NCOA2: variants seen among roughly 807,000 people sequenced by gnomAD.
NCOA2 encodes class E basic helix-loop-helix protein 75.
NCOA2 carries 21 observed loss-of-function variants against 145.1 expected under a neutral mutation model. That is an observed-to-expected ratio of 0.14 (90% CI 0.10 to 0.21). The LOEUF (loss-of-function observed/expected upper bound fraction) is 0.21, where lower values mean the gene tolerates loss of function less well. NCOA2 is among the 10% of genes least tolerant of loss of function. The probability of loss-of-function intolerance (pLI) is 1.00; values close to 1 mark genes in which losing one functional copy is unlikely to be tolerated. For missense variants in NCOA2, 1,472 were observed against 1,837.6 expected (o/e 0.80, Z 3.64); for synonymous variants, 619 against 637.5 (o/e 0.97, Z 0.44).
At chr8:70,294,356 C>A (rs1291598563) in intron 2 of NCOA2, among the ~76,000 whole-genome samples, 2 of 152,138 alleles carry the variant, frequency 1.3e-5, no homozygotes, top group African/African-American at 4.8e-5. Context: ...TCTAAAATTT[C>A]TAATATTGCA....
intron 2 of NCOA2, among the ~76,000 whole-genome samples, chr8:70,281,012 T>C (rs1825830204): frequency 6.6e-6 from 1 of 151,656 alleles, no homozygotes; most frequent in South Asian, 2.1e-4. Context: ...ATCCTGGCTA[T>C]GGAAGCTTCT....
upstream of NCOA2, among the ~76,000 whole-genome samples, chr8:70,404,366 G>A (rs1814664590): frequency 6.6e-6 from 1 of 152,224 alleles, no homozygotes; most frequent in African/African-American, 2.4e-5. Context: ...GCCCCAGGAC[G>A]AAGATCGGGG....
At position 70,322,748 on chromosome 8, in the gene NCOA2, C is replaced by A. The variant is rs565945243; in HGVS notation, c.-76-25948G>T. ...AGAACAATATATTGTATGTAAAGTA[C>A]CTAGGAAAGGGTCTGGCCCATAGTA... On this transcript the variant is annotated intron_variant, in intron 1 of 22. Transcript: ENST00000452400. 6.6e-5 allele frequency among the ~76,000 whole-genome samples: 10 copies of A among 152,186 alleles called. No homozygotes were observed. In the Middle Eastern group the frequency reaches 0.01, roughly 155 times the overall value.
chr8:70,248,792 T>A (rs1822840290), intron 2 of NCOA2, among the ~76,000 whole-genome samples: 1 of 151,162 alleles, frequency 6.6e-6, no homozygotes, highest in Non-Finnish European at 1.5e-5. Context: ...AGACAAAATT[T>A]TTTTCTCCCG....
chr8:70,290,323 G>A (rs1210222431), intron 2 of NCOA2, among the ~76,000 whole-genome samples: 1 of 151,724 alleles, frequency 6.6e-6, no homozygotes, highest in Non-Finnish European at 1.5e-5. Flanking sequence ...CAAATAGCTG[G>A]GACTACAGGC....
intron 1 of NCOA2, among the ~76,000 whole-genome samples, chr8:70,375,904 C>A (rs913243981): frequency 1.3e-5 from 2 of 152,122 alleles, no homozygotes; most frequent in African/African-American, 4.8e-5. Flanking sequence ...CCTACTAATA[C>A]CCATTTGCTC....
intron 2 of NCOA2, among the ~76,000 whole-genome samples, chr8:70,290,976 G>C (rs1479549594): frequency 6.6e-6 from 1 of 152,166 alleles, no homozygotes; most frequent in Non-Finnish European, 1.5e-5. Flanking sequence ...GAACAGCCTA[G>C]CTAAAAATCC....
At chr8:70,431,646 T>C in the NCOA2 span, among the ~76,000 whole-genome samples, 1 of 152,356 alleles carries the variant, frequency 6.6e-6, no homozygotes, top group African/African-American at 2.4e-5. Flanking sequence ...GAAGTATTCG[T>C]TCTTTGGGCT....
chr8:70,249,978 A>AAAAAAAGG (rs1554606877), intron 2 of NCOA2, among the ~76,000 whole-genome samples: 1 of 101,208 alleles, frequency 9.9e-6, no homozygotes, highest in Non-Finnish European at 2.3e-5. Context: ...AAAAAAAAAA[A>AAAAAAAGG]AGAAGAAGAA....
intron 4 of NCOA2, among the ~76,000 whole-genome samples, chr8:70,177,534 T>C (rs2132852213): frequency 6.6e-6 from 1 of 152,260 alleles, no homozygotes; most frequent in Non-Finnish European, 1.5e-5. Flanking sequence ...TTTCCCCTTT[T>C]GCCTCACAGG....
At chr8:70,382,608 G>A (rs1812304607) in intron 1 of NCOA2, among the ~76,000 whole-genome samples, 1 of 152,196 alleles carries the variant, frequency 6.6e-6, no homozygotes, top group African/African-American at 2.4e-5. Flanking sequence ...AGGGAAGCTA[G>A]TAGATATCTA....
chr8:70,366,231 G>T (rs1050636182), intron 1 of NCOA2, among the ~76,000 whole-genome samples: 1 of 152,088 alleles, frequency 6.6e-6, no homozygotes, highest in African/African-American at 2.4e-5. Flanking sequence ...ATTCTAGGGG[G>T]AAAAATAGCA....
At chr8:70,128,662 C>A (rs1413196447) in intron 17 of NCOA2, 40 bp downstream of exon 17, 1 of 1,606,258 alleles carries the variant, frequency 6.2e-7, no homozygotes, top group East Asian at 2.2e-5. Context: ...TGTCCTCCAC[C>A]CAGCACCCCT....
chr8:70,209,499 T>G (rs1332508361), intron 4 of NCOA2, among the ~76,000 whole-genome samples: 2 of 152,234 alleles, frequency 1.3e-5, no homozygotes, highest in Non-Finnish European at 2.9e-5. Context: ...CAGAGAAATC[T>G]TTCATGAAAG....
chr8:70,162,142 T>C (rs1388186404), intron 9 of NCOA2, among the ~76,000 whole-genome samples: 2 of 152,172 alleles, frequency 1.3e-5, no homozygotes, highest in Non-Finnish European at 2.9e-5. Flanking sequence ...GCAAAAGGGA[T>C]AATGCCACAC....
At position 70,110,173 on chromosome 8, in the gene NCOA2, A is replaced by G. The variant is rs1411017621; in HGVS notation, c.*3459T>C. The stretch of plus-strand genomic sequence containing the variant: ...AATAAAACTCACAAATGACAAAGGA[A>G]AAAAATGACAGTTAAATGTCTGAAG... On this transcript the variant is annotated 3_prime_UTR_variant, in exon 23 of 23. Transcript: ENST00000452400. 1 of 201,622 alleles carries G rather than the reference A, an allele frequency of 5.0e-6. No individual in the cohort carries two copies. Among genetic ancestry groups the G allele is most frequent in the Non-Finnish European group, 1.0e-5 (1 of 97,950 alleles). 12.5% of individuals were successfully genotyped at this position (201,622 alleles called of 1,614,324 possible).
At chr8:70,197,565 GCA>G (rs1817462231) in intron 4 of NCOA2, among the ~76,000 whole-genome samples, 1 of 152,226 alleles carries the variant, frequency 6.6e-6, no homozygotes, top group East Asian at 1.9e-4. Context: ...CTGATGGCTA[GCA>G]CAGTGTTTGA....
intron 14 of NCOA2, among the ~76,000 whole-genome samples, chr8:70,139,147 G>A (rs749601972): frequency 3.9e-5 from 6 of 152,224 alleles, no homozygotes; most frequent in Non-Finnish European, 7.3e-5. Flanking sequence ...AGGCTTTAAA[G>A]CCAATGGATG....
At chr8:70,385,809 C>T (rs1812605393) in intron 1 of NCOA2, among the ~76,000 whole-genome samples, 1 of 152,054 alleles carries the variant, frequency 6.6e-6, no homozygotes, top group African/African-American at 2.4e-5. Flanking sequence ...TTTTAGGCAT[C>T]ACCTTGTAAG....
Sources: gnomAD v4.1 joint callset for allele counts (sites outside exome capture counted in the v4.1 genomes callset) on GRCh38, gnomAD v4.1.1 for gene constraint, MANE v1.5 for transcripts, NCBI Gene and HGNC (gene_info 2026-07-23, HGNC 2026-07-21) for gene names.